The following TMC3 variants were observed in gnomAD, a reference collection of about 807,000 sequenced individuals.
The protein encoded by TMC3 is transmembrane channel-like protein 3.
A neutral mutation model predicts 110.6 loss-of-function variants in TMC3; 98 were observed. That is an observed-to-expected ratio of 0.89 (90% CI 0.75 to 1.05). The LOEUF (loss-of-function observed/expected upper bound fraction) is 1.05, where lower values mean the gene tolerates loss of function less well. TMC3 is among the 50% of genes least tolerant of loss of function. TMC3 has a pLI of 0.00. For missense variants in TMC3, 1,319 were observed against 1,373.2 expected (o/e 0.96, Z 0.62); for synonymous variants, 489 against 513.1 (o/e 0.95, Z 0.63).
At position 81,356,589 on chromosome 15, in the gene TMC3, G is replaced by T; in HGVS notation, c.749C>A (p.Ala250Asp). The change falls in exon 8 of 22, where the codon GCT (alanine) becomes GAT (aspartate). Residue 250 changes from alanine to aspartate, a missense_variant. By Grantham distance (126) the Ala-to-Asp change is moderately radical. Transcript: ENST00000359440. ...YSFIILLKKMAKNSRTSLASA... is the reference protein window; with the variant it reads ...YSFIILLKKMDKNSRTSLASA... Reference sequence around the variant, plus strand: ...GGCAAGACTCGTGCGGGAGTTCTTAGCCATCCTGCAAAAGAGGAGCACAAA... The same window carrying T: ...GGCAAGACTCGTGCGGGAGTTCTTATCCATCCTGCAAAAGAGGAGCACAAA... 6.3e-7 allele frequency: 1 copy of T among 1,587,246 alleles called. No individual in the cohort carries two copies.
chr15:81,356,390 G>T lies in TMC3; in HGVS notation c.891+57C>A, dbSNP rs1406785275. 2.0e-6 allele frequency: 3 copies of T among 1,520,974 alleles called. No individual in the cohort carries two copies. The African/African-American group carries it at 4.2e-5, about 21-fold the overall frequency. The allele number at this position is 1,520,974 out of a possible 1,614,324, so 94.2% of individuals were successfully genotyped here. On this transcript the variant is annotated intron_variant, in intron 8 of 21. Transcript: ENST00000359440. ...TCTGGCTTCCAGCTGAGGGCCAGCG[G>T]CTGGCTCTGACCCTGAGCTGCCCAC... is the stretch of plus-strand genomic sequence containing the variant.
chr15:81,357,268 A>T (rs1438185905), intron 7 of TMC3, among the ~76,000 whole-genome samples: 2 of 152,054 alleles, frequency 1.3e-5, no homozygotes, highest in Non-Finnish European at 2.9e-5. Context: ...CCCCTAGGTC[A>T]TTATGCACCT....
At chr15:81,372,974 A>T (rs1356332601) in intron 1 of TMC3, among the ~76,000 whole-genome samples, 1 of 152,134 alleles carries the variant, frequency 6.6e-6, no homozygotes, top group Non-Finnish European at 1.5e-5. Context: ...GGATTCAATT[A>T]CTTCCACTGG....
intron 19 of TMC3, among the ~76,000 whole-genome samples, chr15:81,337,339 T>G (rs1375388472): frequency 6.6e-6 from 1 of 152,026 alleles, no homozygotes; most frequent in Non-Finnish European, 1.5e-5. Context: ...GTGGGAGTTT[T>G]GGGAGCGTGT....
intron 13 of TMC3, among the ~76,000 whole-genome samples, 159 bp downstream of exon 13, chr15:81,344,607 C>T (rs1427021478): frequency 2.0e-5 from 3 of 152,184 alleles, no homozygotes; most frequent in Non-Finnish European, 4.4e-5. Context: ...AATCTTTGCA[C>T]TGATTATTTT....
chr15:81,362,899 T>C (rs1894220379), intron 3 of TMC3, among the ~76,000 whole-genome samples: 1 of 152,172 alleles, frequency 6.6e-6, no homozygotes, highest in Admixed American at 6.6e-5. Context: ...CCCTAATGTG[T>C]GACTCGCCTC....
At position 81,355,720 on chromosome 15, in the gene TMC3, C is replaced by T; in HGVS notation, c.935+5G>A. On this transcript the variant is annotated splice_donor_5th_base_variant and intron_variant, in intron 9 of 21. Transcript: ENST00000359440. ...GAATTCAGCATGGGGAGTAATAATA[C>T]CTACAGGTTTTTGCTTTTCTTTTTC... The T allele has an allele frequency of 1.3e-6, 2 of 1,589,788 alleles. No individual in the cohort carries two copies. The highest frequency in any genetic ancestry group is 1.7e-6 in the Non-Finnish European group (2 of 1,162,538).
At chr15:81,337,982 G>T in intron 18 of TMC3, 58 bp from the exon 19 acceptor site, 1 of 1,360,608 alleles carries the variant, frequency 7.3e-7, no homozygotes, top group South Asian at 1.2e-5. Context: ...CTGCTTTTCA[G>T]ACCACATTCC....
intron 1 of TMC3, among the ~76,000 whole-genome samples, chr15:81,373,368 G>T (rs143927240): frequency 1.7e-4 from 26 of 152,284 alleles, no homozygotes; most frequent in African/African-American, 6.3e-4. Context: ...CCAACATGTA[G>T]CAACATTTAC....
intron 2 of TMC3, among the ~76,000 whole-genome samples, chr15:81,370,128 T>C (rs548603798): frequency 6.6e-6 from 1 of 152,152 alleles, no homozygotes; most frequent in Non-Finnish European, 1.5e-5. Flanking sequence ...GCTGATTTCA[T>C]AGGAACTGAC....
At position 81,358,176 on chromosome 15, in the gene TMC3, G is replaced by A. The variant is rs758631166; in HGVS notation, c.716C>T (p.Ala239Val). The A allele has an allele frequency of 1.9e-6, 3 of 1,606,606 alleles. No individual in the cohort carries two copies. The highest frequency in any genetic ancestry group is 2.5e-6 in the Non-Finnish European group (3 of 1,177,604). ...TTTTAAAAGAATGATGAAGCTGTAAGCAAACACTGCCATCCCCACTAGGAA... is the reference window on the plus strand; with the variant it reads ...TTTTAAAAGAATGATGAAGCTGTAAACAAACACTGCCATCCCCACTAGGAA... ...AYFLVGMAVF[A>V]YSFIILLKKM... Residue 239 changes from alanine to valine, a missense_variant, in exon 7 of 22, where the codon GCT becomes GTT. Transcript: ENST00000359440.
At chr15:81,367,513 C>A (rs1481790105) in intron 3 of TMC3, among the ~76,000 whole-genome samples, 1 of 152,096 alleles carries the variant, frequency 6.6e-6, no homozygotes, top group African/African-American at 2.4e-5. Flanking sequence ...GTATACTTTT[C>A]ATTTAAGTAA....
At chr15:81,337,548 G>T (rs889503452) in intron 19 of TMC3, 3 of 491,898 alleles carry the variant, frequency 6.1e-6, no homozygotes, top group Non-Finnish European at 1.1e-5. Context: ...AAAGTACCTG[G>T]CACACTGAGG....
At chr15:81,355,513 A>T (rs973699533) in intron 9 of TMC3, among the ~76,000 whole-genome samples, 17 of 152,288 alleles carry the variant, frequency 1.1e-4, no homozygotes, top group African/African-American at 3.8e-4. Flanking sequence ...AGACCCTGTG[A>T]CCCTTGTTAC....
Position 81,332,186 on chromosome 15 carries a change from C to G in TMC3, c.*233G>C. On this transcript the variant is annotated 3_prime_UTR_variant, in exon 22 of 22. Coordinates refer to ENST00000359440, the MANE Select transcript of TMC3 (RefSeq NM_001080532.3). The stretch of plus-strand genomic sequence containing the variant: ...ATTGCTGCAGACCCGTGATGATTCA[C>G]TGCTGGTGACATACTTTGGTGCCAC... The G allele has an allele frequency of 1.9e-6, 1 of 514,056 alleles. No individual in the cohort carries two copies. The highest frequency in any genetic ancestry group is 3.4e-6 in the Non-Finnish European group (1 of 295,436). 31.8% of individuals were successfully genotyped at this position (514,056 alleles called of 1,614,324 possible).
chr15:81,341,553 C>A (rs1267438791), intron 15 of TMC3, 35 bp from the exon 16 acceptor site: 16 of 1,592,194 alleles, frequency 1.0e-5, no homozygotes, highest in Non-Finnish European at 1.3e-5. Context: ...TGCATCTGTT[C>A]TCTTTCAGCC....
intron 4 of TMC3, 116 bp downstream of exon 4, chr15:81,362,104 T>C: frequency 1.2e-6 from 1 of 842,698 alleles, no homozygotes; most frequent in Admixed American, 2.2e-5. Context: ...GTGACTCTGC[T>C]ATGAGGGTGC....
At chr15:81,360,550 G>C (rs1052262005) in intron 4 of TMC3, among the ~76,000 whole-genome samples, 1 of 152,126 alleles carries the variant, frequency 6.6e-6, no homozygotes, top group Non-Finnish European at 1.5e-5. Flanking sequence ...CTTGAGAAAG[G>C]GATTTGGCTA....
At chr15:81,366,445 C>T (rs1006609382) in intron 3 of TMC3, among the ~76,000 whole-genome samples, 4 of 152,228 alleles carry the variant, frequency 2.6e-5, no homozygotes, top group African/African-American at 9.6e-5. Context: ...GATTACCTTA[C>T]TGAGTGTAAA....
Sources: gnomAD v4.1 joint callset for allele counts (sites outside exome capture counted in the v4.1 genomes callset) on GRCh38, gnomAD v4.1.1 for gene constraint, MANE v1.5 for transcripts, NCBI Gene and HGNC (gene_info 2026-07-23, HGNC 2026-07-21) for gene names.